LAMA1: variants seen among roughly 807,000 people sequenced by gnomAD.
LAMA1 encodes laminin subunit alpha 1, also known as laminin subunit alpha-1.
A neutral mutation model predicts 348.7 loss-of-function variants in LAMA1; 219 were observed. The ratio of observed to expected loss-of-function variants is 0.63; its 90% confidence interval spans 0.56 to 0.70. The LOEUF (loss-of-function observed/expected upper bound fraction) is 0.70, where lower values mean the gene tolerates loss of function less well. Ranked by LOEUF, LAMA1 falls within the 30% of genes least tolerant of loss-of-function variation. The pLI is 0.00. For synonymous variants in LAMA1, 1,487 were observed against 1,491.0 expected (o/e 1.00, Z 0.06); for missense variants, 3,744 against 3,888.0 (o/e 0.96, Z 0.99).
intron 32 of LAMA1, among the ~76,000 whole-genome samples, chr18:6,998,557 A>G (rs2057793146): frequency 6.6e-6 from 1 of 152,140 alleles, no homozygotes; most frequent in African/African-American, 2.4e-5. Context: ...AGGACACTGG[A>G]GAGAATAGTG....
chr18:7,066,219 A>C (rs796635995), intron 3 of LAMA1, among the ~76,000 whole-genome samples: 98 of 152,368 alleles, frequency 6.4e-4, no homozygotes, highest in African/African-American at 2.3e-3. Context: ...TATTCTCTAC[A>C]TCCCAGTGCA....
At chr18:7,085,698 G>A (rs564203846) in intron 1 of LAMA1, among the ~76,000 whole-genome samples, 32 of 152,176 alleles carry the variant, frequency 2.1e-4, no homozygotes, top group East Asian at 1.2e-3. Flanking sequence ...GATTACAGGC[G>A]TGAGCCACCG....
chr18:7,014,693 C>T (rs745458172), intron 22 of LAMA1, among the ~76,000 whole-genome samples: 17 of 151,476 alleles, frequency 1.1e-4, no homozygotes, highest in Non-Finnish European at 1.6e-4. Flanking sequence ...ACAAACTATA[C>T]CCAAATTTAA....
chr18:7,068,855 C>A (rs918320853), intron 3 of LAMA1, among the ~76,000 whole-genome samples: 1 of 151,708 alleles, frequency 6.6e-6, no homozygotes, highest in Non-Finnish European at 1.5e-5. Flanking sequence ...AGAAATATCT[C>A]TTGAGAAATT....
At chr18:7,008,265 A>G (rs371646456) in intron 28 of LAMA1, among the ~76,000 whole-genome samples, 96 of 152,338 alleles carry the variant, frequency 6.3e-4, no homozygotes, top group African/African-American at 2.2e-3. Flanking sequence ...ACAGTTGTAC[A>G]ACAACGTGAC....
intron 1 of LAMA1, among the ~76,000 whole-genome samples, chr18:7,105,258 T>C (rs112439142): frequency 0.018 from 2,730 of 151,992 alleles, 67 homozygotes; most frequent in African/African-American, 0.062. Flanking sequence ...CTGGCCAACA[T>C]GGTGAAACCT....
At chr18:7,073,517 T>G (rs2058154439) in intron 3 of LAMA1, among the ~76,000 whole-genome samples, 1 of 152,324 alleles carries the variant, frequency 6.6e-6, no homozygotes, top group African/African-American at 2.4e-5. Context: ...ATATTTCTTC[T>G]TTTGTGTGTG....
At chr18:7,009,044 T>C (rs1298942780) in intron 27 of LAMA1, among the ~76,000 whole-genome samples, 195 bp downstream of exon 27, 2 of 152,222 alleles carry the variant, frequency 1.3e-5, no homozygotes, top group African/African-American at 2.4e-5. Context: ...ATATCGACAT[T>C]AGCATGCTAG....
intron 1 of LAMA1, among the ~76,000 whole-genome samples, chr18:7,102,801 A>G (rs956491432): frequency 2.0e-5 from 3 of 152,224 alleles, no homozygotes; most frequent in African/African-American, 7.2e-5. Flanking sequence ...TGTGTTAATG[A>G]ATTTCTGGCT....
chr18:7,056,720 A>G (rs77706076), intron 3 of LAMA1, among the ~76,000 whole-genome samples: 1,675 of 152,278 alleles, frequency 0.011, 30 homozygotes, highest in African/African-American at 0.036. Context: ...TTCATATGTT[A>G]AGCATAGTGG....
At chr18:7,020,461 G>A (rs1389166232) in intron 19 of LAMA1, among the ~76,000 whole-genome samples, 1 of 152,174 alleles carries the variant, frequency 6.6e-6, no homozygotes, top group Non-Finnish European at 1.5e-5. Flanking sequence ...TAAGAATGGG[G>A]GGCCCTACAA....
rs1568015414 is a variant in LAMA1, at chr18:6,978,173, TGGAA to T, written c.6190+19_6190+22del. ...TCTGCATGACGCAGACGATCATGAC[TGGAA>T]GGAAGGGCGCTGACATACTGGCCAT... On this transcript the variant is annotated intron_variant, in intron 43 of 62. Coordinates refer to ENST00000389658, the MANE Select transcript of LAMA1 (RefSeq NM_005559.4). 5.6e-6 allele frequency: 9 copies of T among 1,614,074 alleles called. No homozygotes were observed. Among genetic ancestry groups the T allele is most frequent in the Middle Eastern group, 1.6e-4 (1 of 6,062 alleles).
At chr18:7,064,483 A>G (rs1013390149) in intron 3 of LAMA1, among the ~76,000 whole-genome samples, 1 of 152,176 alleles carries the variant, frequency 6.6e-6, no homozygotes, top group African/African-American at 2.4e-5. Flanking sequence ...TTTCGGTCAC[A>G]TTCTTACTGA....
rs143310084 is a variant in LAMA1 at position 7,013,446 on chromosome 18, GT to G, written c.3363+368del. Among the ~76,000 whole-genome samples the G allele has an allele frequency of 5.9e-3, 897 of 152,190 alleles. 15 individuals are homozygous for G. The highest frequency in any genetic ancestry group is 0.021 in the African/African-American group (864 of 41,528). Reference sequence around the variant, plus strand: ...ATAATAAACCCCGATTTCCTTCAATGTGGCCAGCACATACGGGAGCCCAATA... The same window carrying G: ...ATAATAAACCCCGATTTCCTTCAATGGGCCAGCACATACGGGAGCCCAATA... On this transcript the variant is annotated intron_variant, in intron 23 of 62. Coordinates refer to ENST00000389658, the MANE Select transcript of LAMA1 (RefSeq NM_005559.4).
rs557585224 is a variant in LAMA1 at position 7,115,814 on chromosome 18, C to CAAAAAAAAAAAAAAAAAAAAAA, written c.61+1845_61+1846insTTTTTTTTTTTTTTTTTTTTTT. Among the ~76,000 whole-genome samples, 35 of 94,796 alleles carry CAAAAAAAAAAAAAAAAAAAAAA rather than the reference C, an allele frequency of 3.7e-4. 1 individual carries two copies. The highest frequency in any genetic ancestry group is 5.3e-4 in the East Asian group (1 of 1,886). The allele number at this position is 94,796 out of a possible 152,430, so 62.2% of individuals were successfully genotyped here. A position where few individuals can be genotyped will look rare whatever the true frequency, so the allele number is the denominator to read the frequency against. On this transcript the variant is annotated intron_variant, in intron 1 of 62. Transcript: ENST00000389658. ...TGAAACCCTGTCTCCACTAAAAATA[C>CAAAAAAAAAAAAAAAAAAAAAA]AAAAAAAAAAAAAAAAAAATAGCCG...
At chr18:7,057,736 C>T (rs541702737) in intron 3 of LAMA1, among the ~76,000 whole-genome samples, 25 of 151,732 alleles carry the variant, frequency 1.6e-4, no homozygotes, top group African/African-American at 6.0e-4. Context: ...GCCTTGGCCT[C>T]CCAAACTGCC....
intron 40 of LAMA1, 28 bp downstream of exon 40, chr18:6,983,071 C>T (rs1297361655): frequency 1.2e-6 from 2 of 1,614,070 alleles, no homozygotes; most frequent in Admixed American, 3.3e-5. Flanking sequence ...CCACAGAGCC[C>T]AGAAAAAGAA....
chr18:6,998,394 T>C (rs781643646), intron 32 of LAMA1, among the ~76,000 whole-genome samples: 4 of 152,200 alleles, frequency 2.6e-5, no homozygotes, highest in Non-Finnish European at 5.9e-5. Context: ...CAGGGAGTTA[T>C]GGCACACATT....
At chr18:7,084,190 C>T (rs1050135300) in intron 1 of LAMA1, among the ~76,000 whole-genome samples, 7 of 149,642 alleles carry the variant, frequency 4.7e-5, no homozygotes, top group Non-Finnish European at 1.0e-4. Flanking sequence ...GGGTTTCACT[C>T]TTTTTGCCCA....
Sources: allele counts gnomAD v4.1 joint callset (sites outside exome capture counted in the v4.1 genomes callset), GRCh38; gene constraint gnomAD v4.1.1; transcripts MANE v1.5; gene names NCBI Gene and HGNC (gene_info 2026-07-23, HGNC 2026-07-21).